PDE3A: variants seen among roughly 807,000 people sequenced by gnomAD.
PDE3A encodes the protein phosphodiesterase 3A, also known as cGMP-inhibited 3',5'-cyclic phosphodiesterase 3A.
A neutral mutation model predicts 98.3 loss-of-function variants in PDE3A; 43 were observed. That is an observed-to-expected ratio of 0.44 (90% CI 0.34 to 0.56). PDE3A has a LOEUF of 0.56. Ranked by LOEUF, PDE3A falls within the 20% of genes least tolerant of loss-of-function variation. The pLI, the probability that PDE3A is intolerant of heterozygous loss-of-function variation, is 0.01. For synonymous variants in PDE3A, 663 were observed against 567.9 expected, an observed-to-expected ratio of 1.17 and a Z score of -2.38; for missense variants, 1,427 against 1,440.7, an observed-to-expected ratio of 0.99 and a Z score of 0.15.
chr12:20,398,150 T>G (rs1944053549), intron 1 of PDE3A, among the ~76,000 whole-genome samples: 1 of 151,148 alleles, frequency 6.6e-6, no homozygotes. Context: ...TGAGTAATAA[T>G]GATAAACAAT....
At chr12:20,377,537 T>A (rs1377774688) in intron 1 of PDE3A, among the ~76,000 whole-genome samples, 2 of 151,762 alleles carry the variant, frequency 1.3e-5, no homozygotes, top group Non-Finnish European at 2.9e-5. Context: ...AGCTCTATAT[T>A]TTTAAAGATT....
intron 5 of PDE3A, among the ~76,000 whole-genome samples, chr12:20,626,126 A>C (rs1005522906): frequency 2.6e-5 from 4 of 151,790 alleles, no homozygotes; most frequent in Non-Finnish European, 5.9e-5. Flanking sequence ...CATTGAAAGC[A>C]TTTTAGAAAA....
Position 20,614,744 on chromosome 12 carries a change from A to T in PDE3A, c.1269+1044A>T, listed in dbSNP as rs371242890. ...AACTGAATTACCTTCTAAGATGCAC[A>T]TTCAGATGTTTAAGAGACACTGGAA... On this transcript the variant is annotated intron_variant, in intron 3 of 15. Transcript: ENST00000359062. Among the ~76,000 whole-genome samples the T allele has an allele frequency of 1.9e-4, 29 of 152,312 alleles. No individual in the cohort carries two copies. In the East Asian group the frequency reaches 4.1e-3, roughly 21 times the overall value.
At chr12:20,658,154 A>G (rs1479293718) in intron 15 of PDE3A, among the ~76,000 whole-genome samples, 1 of 152,234 alleles carries the variant, frequency 6.6e-6, no homozygotes, top group African/African-American at 2.4e-5. Context: ...AATGTATTTT[A>G]TTGACTTTCA....
At chr12:20,572,179 T>C (rs1942816166) in intron 2 of PDE3A, 2 of 1,186,024 alleles carry the variant, frequency 1.7e-6, no homozygotes, top group Non-Finnish European at 2.2e-6. Flanking sequence ...AAGGTATGAA[T>C]AACCTTTTTG....
intron 2 of PDE3A, among the ~76,000 whole-genome samples, chr12:20,588,178 C>T (rs1943237814): frequency 6.6e-6 from 1 of 152,120 alleles, no homozygotes; most frequent in African/African-American, 2.4e-5. Flanking sequence ...ACGAAATTGC[C>T]AGATGGCATT....
chr12:20,472,452 C>T (rs1192338453), intron 1 of PDE3A, among the ~76,000 whole-genome samples: 1 of 152,096 alleles, frequency 6.6e-6, no homozygotes, highest in Non-Finnish European at 1.5e-5. Flanking sequence ...ATTCTAGAAA[C>T]TTGAAGAGAG....
At chr12:20,661,922 G>T (rs1297495934) in intron 15 of PDE3A, among the ~76,000 whole-genome samples, 1 of 152,076 alleles carries the variant, frequency 6.6e-6, no homozygotes, top group Admixed American at 6.5e-5. Context: ...CTGTCCTCCA[G>T]ACCCCAGAAT....
chr12:20,489,959 C>A (rs368139897), intron 1 of PDE3A, among the ~76,000 whole-genome samples: 2 of 152,124 alleles, frequency 1.3e-5, no homozygotes, highest in East Asian at 3.9e-4. Context: ...TTAGTAAATC[C>A]TTGGTAAGAG....
intron 1 of PDE3A, among the ~76,000 whole-genome samples, chr12:20,443,323 GGATATAGGAGCTT>G (rs1177480861): frequency 7.9e-5 from 12 of 152,068 alleles, no homozygotes; most frequent in African/African-American, 2.9e-4. Context: ...CTCCTAACTT[GGATATAGGAGCTT>G]GACTATCTGC....
At chr12:20,548,249 T>C (rs994807787) in intron 1 of PDE3A, among the ~76,000 whole-genome samples, 7 of 152,064 alleles carry the variant, frequency 4.6e-5, no homozygotes, top group Non-Finnish European at 8.8e-5. Context: ...GAAGAAACAT[T>C]CTCTTTTAAA....
At chr12:20,490,899 G>T (rs1404901176) in intron 1 of PDE3A, among the ~76,000 whole-genome samples, 1 of 152,036 alleles carries the variant, frequency 6.6e-6, no homozygotes, top group Non-Finnish European at 1.5e-5. Flanking sequence ...AGGCCGGGGA[G>T]TTTGAGACCA....
chr12:20,608,727 C>T (rs1314337786), intron 2 of PDE3A, among the ~76,000 whole-genome samples: 2 of 151,852 alleles, frequency 1.3e-5, no homozygotes, highest in Non-Finnish European at 2.9e-5. Context: ...TATAAAAAAA[C>T]TTGTCTTCTT....
At chr12:20,403,028 C>A (rs1227797985) in intron 1 of PDE3A, among the ~76,000 whole-genome samples, 1 of 152,128 alleles carries the variant, frequency 6.6e-6, no homozygotes, top group Non-Finnish European at 1.5e-5. Context: ...GTAATAATGT[C>A]TCATTTTTCT....
intron 1 of PDE3A, chr12:20,371,422 A>G: frequency 2.0e-6 from 2 of 982,690 alleles, no homozygotes; most frequent in Non-Finnish European, 2.4e-6. Flanking sequence ...ATTAATGCCT[A>G]CCTGTGGTAC....
At chr12:20,397,948 A>G (rs1201786003) in intron 1 of PDE3A, among the ~76,000 whole-genome samples, 2 of 152,102 alleles carry the variant, frequency 1.3e-5, no homozygotes, top group Non-Finnish European at 2.9e-5. Flanking sequence ...GACTGAGTAG[A>G]TGATTTATTG....
chr12:20,513,002 G>A (rs943024470), intron 1 of PDE3A, among the ~76,000 whole-genome samples: 1 of 151,832 alleles, frequency 6.6e-6, no homozygotes, highest in Non-Finnish European at 1.5e-5. Context: ...TGTTCTTTTT[G>A]CAGAATTAAG....
rs767336482 is a variant in PDE3A, at chr12:20,681,731, T to G, written c.*1460T>G. 11 of 152,148 alleles carry G rather than the reference T, an allele frequency of 7.2e-5. No individual in the cohort carries two copies. The highest frequency in any genetic ancestry group is 1.5e-5 in the Non-Finnish European group (1 of 68,020). The allele number at this position is 152,148 out of a possible 1,614,324, so 9.4% of individuals were successfully genotyped here. ...TATTATTGAAAGTCTTTTTTTTTGT[T>G]TGTTTTGTTTTGGTTTGTTTGTTTA... On this transcript the variant is annotated 3_prime_UTR_variant, in exon 16 of 16. Coordinates refer to ENST00000359062, the MANE Select transcript of PDE3A (RefSeq NM_000921.5).
intron 10 of PDE3A, among the ~76,000 whole-genome samples, chr12:20,641,216 G>A (rs10743383): frequency 0.48 from 72,340 of 151,880 alleles, 17,651 homozygotes; most frequent in East Asian, 0.79. Flanking sequence ...TCTGAAGAAT[G>A]TGGGACCAAA....
Sources: allele counts gnomAD v4.1 joint callset (sites outside exome capture counted in the v4.1 genomes callset), GRCh38; gene constraint gnomAD v4.1.1; transcripts MANE v1.5; gene names NCBI Gene and HGNC (gene_info 2026-07-23, HGNC 2026-07-21).